ROBO2: variants seen among roughly 807,000 people sequenced by gnomAD.
The protein encoded by ROBO2 is roundabout guidance receptor 2.
A neutral mutation model predicts 160.8 loss-of-function variants in ROBO2; 53 were observed. The observed-to-expected ratio is 0.33, with a 90% CI of 0.26 to 0.41. The LOEUF is 0.41. Among genes scored for constraint, ROBO2 ranks in the 10% least tolerant of loss-of-function variants. The pLI, the probability that ROBO2 is intolerant of heterozygous loss-of-function variation, is 1.00. For synonymous variants in ROBO2, 664 were observed against 611.7 expected (o/e 1.09, Z -1.26); for missense variants, 1,577 against 1,722.4 (o/e 0.92, Z 1.49).
intron 2 of ROBO2, among the ~76,000 whole-genome samples, chr3:76,095,318 G>GA (rs970006957): frequency 1.3e-5 from 2 of 151,650 alleles, no homozygotes; most frequent in Non-Finnish European, 2.9e-5. Flanking sequence ...TTATGTAAGA[G>GA]AAAAAATTAA....
intron 2 of ROBO2, among the ~76,000 whole-genome samples, chr3:77,311,327 T>G (rs553507453): frequency 6.6e-6 from 1 of 152,306 alleles, no homozygotes; most frequent in East Asian, 1.9e-4. Flanking sequence ...GTAGCTCCAA[T>G]CAAATATGTC....
rs116225399 is a variant in ROBO2 at position 77,486,262 on chromosome 3, G to T, written c.667+5043G>T. ...TACGTGTGCATATCTATCTATAATA[G>T]AATGATTTATATTCCTTTGGGTATC... On this transcript the variant is annotated intron_variant, in intron 4 of 25. Transcript: ENST00000461745. 7.6e-3 allele frequency among the ~76,000 whole-genome samples: 1,154 copies of T among 152,198 alleles called. 20 individuals are homozygous for T. Among genetic ancestry groups the T allele is most frequent in the African/African-American group, 0.026 (1,097 of 41,536 alleles).
intron 2 of ROBO2, among the ~76,000 whole-genome samples, chr3:76,056,877 A>G (rs1204166158): frequency 1.3e-5 from 2 of 152,194 alleles, no homozygotes; most frequent in African/African-American, 4.8e-5. Context: ...TTTTGGACAT[A>G]TGTTAATAGT....
chr3:77,426,956 C>G (rs943174067), intron 2 of ROBO2, among the ~76,000 whole-genome samples: 1 of 152,182 alleles, frequency 6.6e-6, no homozygotes, highest in Non-Finnish European at 1.5e-5. Flanking sequence ...TGTTTGAACT[C>G]TATGTTCTCT....
chr3:77,276,349 A>G (rs1242906433), intron 2 of ROBO2, among the ~76,000 whole-genome samples: 10 of 152,160 alleles, frequency 6.6e-5, no homozygotes, highest in Non-Finnish European at 2.9e-5. Context: ...AAATGTTACT[A>G]CTACAGATAA....
At chr3:76,735,007 T>A (rs1576316557) in intron 2 of ROBO2, among the ~76,000 whole-genome samples, 1 of 152,206 alleles carries the variant, frequency 6.6e-6, no homozygotes, top group East Asian at 1.9e-4. Context: ...GTTAAACCAC[T>A]GTAGGAAGCA....
At chr3:76,026,997 C>T (rs529359431) in intron 2 of ROBO2, among the ~76,000 whole-genome samples, 6 of 151,992 alleles carry the variant, frequency 3.9e-5, no homozygotes, top group Admixed American at 3.9e-4. Context: ...TGCGCTGGGA[C>T]AATCCAACAT....
At chr3:76,678,217 C>T (rs962533153) in intron 2 of ROBO2, among the ~76,000 whole-genome samples, 3 of 151,880 alleles carry the variant, frequency 2.0e-5, no homozygotes, top group African/African-American at 4.8e-5. Flanking sequence ...GTGATCTGAC[C>T]GCCTCGACTT....
chr3:77,293,234 A>G lies in ROBO2; in HGVS notation c.389-184180A>G, dbSNP rs377451879. On this transcript the variant is annotated intron_variant, in intron 2 of 25. Coordinates refer to ENST00000461745, the Ensembl canonical transcript of ROBO2. Reference sequence around the variant, plus strand: ...GGGTAAGCTGAGGCTAGATCACCCCAGACATAAAGTAAAATTGACGGTTAT... The same window carrying G: ...GGGTAAGCTGAGGCTAGATCACCCCGGACATAAAGTAAAATTGACGGTTAT... 3.3e-5 allele frequency among the ~76,000 whole-genome samples: 5 copies of G among 151,758 alleles called. No individual in the cohort carries two copies. The East Asian group carries it at 7.8e-4, about 24-fold the overall frequency.
exon 26 of ROBO2, chr3:77,646,385 ATAT>A: frequency 4.1e-6 from 1 of 246,054 alleles, no homozygotes; most frequent in East Asian, 7.6e-5. Flanking sequence ...AGCTCTGCTC[ATAT>A]TATTGTCTGT....
chr3:77,434,703 G>A (rs2153545511), intron 2 of ROBO2, among the ~76,000 whole-genome samples: 1 of 152,188 alleles, frequency 6.6e-6, no homozygotes, highest in African/African-American at 2.4e-5. Context: ...AAAAGTTGAT[G>A]AGTTCCAGCT....
intron 2 of ROBO2, among the ~76,000 whole-genome samples, chr3:77,332,119 A>G (rs962535375): frequency 2.6e-5 from 4 of 152,220 alleles, no homozygotes; most frequent in African/African-American, 9.6e-5. Flanking sequence ...CAAAAATTCC[A>G]TATGAATGTC....
intron 2 of ROBO2, among the ~76,000 whole-genome samples, chr3:76,051,202 G>A (rs922056455): frequency 6.6e-6 from 1 of 152,064 alleles, no homozygotes. Flanking sequence ...TCAGTTATTT[G>A]AAACTCTAAA....
chr3:77,403,374 C>T (rs964935827), intron 2 of ROBO2, among the ~76,000 whole-genome samples: 7 of 152,274 alleles, frequency 4.6e-5, no homozygotes, highest in Non-Finnish European at 7.4e-5. Flanking sequence ...ATTTCTCTCA[C>T]ACCCCAGCTT....
At chr3:76,594,040 T>A (rs1357625878) in intron 2 of ROBO2, among the ~76,000 whole-genome samples, 6 of 152,058 alleles carry the variant, frequency 3.9e-5, no homozygotes, top group Non-Finnish European at 8.8e-5. Flanking sequence ...AAACATTTTA[T>A]CAGAAATCTT....
intron 6 of ROBO2, among the ~76,000 whole-genome samples, chr3:77,544,110 GTTTT>G (rs36057995): frequency 1.4e-5 from 2 of 142,400 alleles, no homozygotes; most frequent in African/African-American, 2.6e-5. Flanking sequence ...AACCTTAAGT[GTTTT>G]TTTTTTTTTT....
chr3:76,967,265 C>T (rs769593487), intron 2 of ROBO2, among the ~76,000 whole-genome samples: 3 of 149,752 alleles, frequency 2.0e-5, no homozygotes, highest in East Asian at 2.0e-4. Flanking sequence ...CTCACTCTGT[C>T]GTCCAGTTTG....
At chr3:77,576,194 G>A (rs140397794) in intron 14 of ROBO2, among the ~76,000 whole-genome samples, 2 of 152,198 alleles carry the variant, frequency 1.3e-5, no homozygotes, top group Non-Finnish European at 2.9e-5. Flanking sequence ...ATATTTTGGA[G>A]CAATATTGTC....
chr3:77,185,866 A>G (rs2081234855), intron 2 of ROBO2, among the ~76,000 whole-genome samples: 1 of 151,984 alleles, frequency 6.6e-6, no homozygotes, highest in Admixed American at 6.6e-5. Flanking sequence ...GAATGAATTA[A>G]TAGCATTTGC....
Sources: allele counts gnomAD v4.1 joint callset (sites outside exome capture counted in the v4.1 genomes callset), GRCh38; gene constraint gnomAD v4.1.1; transcripts MANE v1.5; gene names NCBI Gene and HGNC (gene_info 2026-07-23, HGNC 2026-07-21).